SYNDIG1L: variants seen among roughly 807,000 people sequenced by gnomAD.
SYNDIG1L encodes the protein synapse differentiation inducing 1 like.
A neutral mutation model predicts 20.1 loss-of-function variants in SYNDIG1L; 13 were observed. The observed-to-expected ratio is 0.65, with a 90% confidence interval of 0.42 to 1.03. The LOEUF is 1.03. Among genes scored for constraint, SYNDIG1L ranks in the 50% least tolerant of loss-of-function variants. The pLI, the probability that SYNDIG1L is intolerant of heterozygous loss-of-function variation, is 0.00. For missense variants in SYNDIG1L, 294 were observed against 305.1 expected, an observed-to-expected ratio of 0.96 and a Z score of 0.27; for synonymous variants, 128 against 129.3, an observed-to-expected ratio of 0.99 and a Z score of 0.07.
At chr14:74,467,044 G>C in the SYNDIG1L span, among the ~76,000 whole-genome samples, 3 of 152,158 alleles carry the variant, frequency 2.0e-5, no homozygotes, top group African/African-American at 7.2e-5. Context: ...TACTGGCTTT[G>C]GGTGGAGAGG....
the SYNDIG1L span, among the ~76,000 whole-genome samples, chr14:74,478,287 T>G: frequency 6.6e-6 from 1 of 152,364 alleles, no homozygotes; most frequent in South Asian, 2.1e-4. Context: ...AGAATTTTTT[T>G]GTCCCTAAGA....
At chr14:74,471,443 C>A in the SYNDIG1L span, among the ~76,000 whole-genome samples, 1 of 152,036 alleles carries the variant, frequency 6.6e-6, no homozygotes, top group African/African-American at 2.4e-5. Flanking sequence ...CAAAAAAATA[C>A]AAAAATTAGC....
rs2086085641 is a variant in SYNDIG1L, at chr14:74,406,872, ACCTGC to A, written c.*658_*662del. The A allele has an allele frequency of 6.6e-6, 1 of 152,350 alleles. No individual in the cohort carries two copies. The highest frequency in any genetic ancestry group is 1.5e-5 in the Non-Finnish European group (1 of 68,232). 9.4% of individuals were successfully genotyped at this position (152,350 alleles called of 1,614,324 possible). A position where few individuals can be genotyped will look rare whatever the true frequency, so the allele number is the denominator to read the frequency against. On this transcript the variant is annotated 3_prime_UTR_variant, in exon 4 of 4. Coordinates refer to ENST00000331628, the MANE Select transcript of SYNDIG1L (RefSeq NM_001105579.2). The stretch of plus-strand genomic sequence containing the variant: ...GCACCCGCATGAAGAAGCTCCAAGA[ACCTGC>A]CCTTGGTTCAGAGTTTACATACCGA...
chr14:74,438,101 T>C, the SYNDIG1L span, among the ~76,000 whole-genome samples: 604 of 152,324 alleles, frequency 4.0e-3, 4 homozygotes, highest in Middle Eastern at 0.027. Flanking sequence ...GCACCTACTG[T>C]ATGCTATATA....
chr14:74,424,999 G>A (rs2086253660), intron 1 of SYNDIG1L, among the ~76,000 whole-genome samples: 1 of 152,200 alleles, frequency 6.6e-6, no homozygotes, highest in Admixed American at 6.5e-5. Context: ...TGGGGGTAGG[G>A]AAGTTGTGTT....
chr14:74,464,687 T>C, the SYNDIG1L span, among the ~76,000 whole-genome samples: 1 of 152,146 alleles, frequency 6.6e-6, no homozygotes, highest in Admixed American at 6.6e-5. Context: ...ATTAGCAGTA[T>C]GGCCTGGTTA....
chr14:74,442,629 A>G, the SYNDIG1L span, among the ~76,000 whole-genome samples: 2 of 152,232 alleles, frequency 1.3e-5, no homozygotes, highest in African/African-American at 4.8e-5. Context: ...TGCTTTTAGA[A>G]GAGATCTCTA....
the SYNDIG1L span, among the ~76,000 whole-genome samples, chr14:74,446,593 A>G: frequency 1.6e-4 from 24 of 151,578 alleles, no homozygotes; most frequent in Admixed American, 1.2e-3. Flanking sequence ...AGATTAAAAA[A>G]CAAAACCCAG....
chr14:74,466,883 AG>A, the SYNDIG1L span, among the ~76,000 whole-genome samples: 3 of 152,242 alleles, frequency 2.0e-5, no homozygotes, highest in Admixed American at 6.5e-5. Context: ...GGATGGCTCC[AG>A]GGGCGACACC....
chr14:74,461,273 C>A, the SYNDIG1L span, among the ~76,000 whole-genome samples: 2 of 152,204 alleles, frequency 1.3e-5, no homozygotes, highest in African/African-American at 4.8e-5. Context: ...TCTTTCTCTG[C>A]CCAGAATTTT....
At chr14:74,435,433 A>C in the SYNDIG1L span, among the ~76,000 whole-genome samples, 1 of 152,244 alleles carries the variant, frequency 6.6e-6, no homozygotes, top group Non-Finnish European at 1.5e-5. Flanking sequence ...TGTAGAATTC[A>C]ACCACAGGGA....
At chr14:74,471,663 G>C in the SYNDIG1L span, among the ~76,000 whole-genome samples, 3 of 152,104 alleles carry the variant, frequency 2.0e-5, no homozygotes, top group Admixed American at 2.0e-4. Flanking sequence ...CGAACTAAGA[G>C]TGAGTTGTTT....
the SYNDIG1L span, chr14:74,476,645 G>A: frequency 7.1e-7 from 1 of 1,414,196 alleles, no homozygotes; most frequent in Non-Finnish European, 9.6e-7. Flanking sequence ...AGAGGAGCTG[G>A]CCGGATCCAC....
chr14:74,409,277 T>A, intron 2 of SYNDIG1L, 51 bp downstream of exon 2: 1 of 1,247,128 alleles, frequency 8.0e-7, no homozygotes, highest in Non-Finnish European at 1.1e-6. Context: ...AGAGTCGGGG[T>A]CTCCTTGTGT....
intron 1 of SYNDIG1L, among the ~76,000 whole-genome samples, chr14:74,412,824 C>T (rs1343328713): frequency 6.6e-6 from 1 of 152,196 alleles, no homozygotes; most frequent in Non-Finnish European, 1.5e-5. Flanking sequence ...GGACATGGCC[C>T]CCAAAGGTCC....
At chr14:74,452,989 A>G in the SYNDIG1L span, among the ~76,000 whole-genome samples, 1 of 152,218 alleles carries the variant, frequency 6.6e-6, no homozygotes, top group African/African-American at 2.4e-5. Context: ...AAAAGTGTAC[A>G]TACAGTATTA....
chr14:74,408,409 C>T (rs757838304), intron 2 of SYNDIG1L, among the ~76,000 whole-genome samples: 12 of 151,858 alleles, frequency 7.9e-5, no homozygotes, highest in East Asian at 1.9e-4. Context: ...ACTGAAAATA[C>T]GAAAATTAGC....
the SYNDIG1L span, among the ~76,000 whole-genome samples, chr14:74,457,172 G>T: frequency 6.6e-6 from 1 of 152,030 alleles, no homozygotes; most frequent in Non-Finnish European, 1.5e-5. Flanking sequence ...AGAAAACCAG[G>T]TCAGGTGCTG....
chr14:74,439,912 TTGCTTATGAA>T, the SYNDIG1L span, among the ~76,000 whole-genome samples: 1 of 151,610 alleles, frequency 6.6e-6, no homozygotes. Context: ...CAAGTAATAA[TTGCTTATGAA>T]GTGGAGAAGT....
Sources: allele counts gnomAD v4.1 joint callset (sites outside exome capture counted in the v4.1 genomes callset), GRCh38; gene constraint gnomAD v4.1.1; transcripts MANE v1.5; gene names NCBI Gene and HGNC (gene_info 2026-07-23, HGNC 2026-07-21).